LRP12: variants seen among roughly 807,000 people sequenced by gnomAD.
LRP12 encodes the protein LDL receptor related protein 12.
Under a neutral mutation model 66.0 loss-of-function variants are expected in LRP12, and 14 were observed. That is an observed-to-expected ratio of 0.21 (90% CI 0.14 to 0.33). LRP12 has a LOEUF of 0.33. Ranked by LOEUF, LRP12 falls within the 10% of genes least tolerant of loss-of-function variation. The pLI is 1.00. For synonymous variants in LRP12, 357 were observed against 359.1 expected (o/e 0.99, Z 0.07); for missense variants, 889 against 1,053.4 (o/e 0.84, Z 2.16).
chr8:104,547,189 T>A (rs1433184896), intron 1 of LRP12, among the ~76,000 whole-genome samples: 4 of 140,432 alleles, frequency 2.8e-5, no homozygotes, highest in East Asian at 4.1e-4. Flanking sequence ...CAATTCTATG[T>A]TATATCATAT....
rs1225123113 is a variant in LRP12, at chr8:104,586,298, C to CA, written c.79+2520dup. On this transcript the variant is annotated intron_variant, in intron 1 of 6. Coordinates refer to ENST00000276654, the MANE Select transcript of LRP12 (RefSeq NM_013437.5). ...TGGAAAGTAGCACCAAAATAAACAA[C>CA]AAAAAATTTTTTTATGTATGTGAAA... Among the ~76,000 whole-genome samples the CA allele has an allele frequency of 2.6e-5, 4 of 152,200 alleles. No homozygotes were observed. In the South Asian group the frequency reaches 6.2e-4, roughly 24 times the overall value.
chr8:104,512,486 A>G (rs1811013403), intron 2 of LRP12, among the ~76,000 whole-genome samples: 1 of 152,214 alleles, frequency 6.6e-6, no homozygotes, highest in Admixed American at 6.5e-5. Flanking sequence ...AGAGACTAAT[A>G]CAATTTTGAG....
intron 3 of LRP12, chr8:104,507,589 T>A (rs1487630041): frequency 6.6e-6 from 1 of 152,190 alleles, no homozygotes; most frequent in African/African-American, 2.4e-5. Context: ...GTGGTAAAAA[T>A]GTTATTTTGT....
At chr8:104,516,390 G>A (rs759042446) in intron 2 of LRP12, among the ~76,000 whole-genome samples, 3 of 151,972 alleles carry the variant, frequency 2.0e-5, no homozygotes, top group Admixed American at 6.6e-5. Context: ...AATGCTAATG[G>A]TTAAACTATA....
intron 1 of LRP12, among the ~76,000 whole-genome samples, chr8:104,562,346 T>C (rs950896547): frequency 6.6e-6 from 1 of 152,038 alleles, no homozygotes; most frequent in African/African-American, 2.4e-5. Context: ...TAAACCATAA[T>C]AAACATTCAA....
chr8:104,502,877 T>G (rs1810849646), intron 3 of LRP12, among the ~76,000 whole-genome samples: 1 of 152,096 alleles, frequency 6.6e-6, no homozygotes, highest in South Asian at 2.1e-4. Flanking sequence ...TTTAGTCCAC[T>G]AAACATTTAA....
chr8:104,579,834 A>G (rs1043252547), intron 1 of LRP12, among the ~76,000 whole-genome samples: 4 of 152,220 alleles, frequency 2.6e-5, no homozygotes, highest in Non-Finnish European at 5.9e-5. Flanking sequence ...TAGGAAAAGG[A>G]TTCCTTATTC....
At chr8:104,544,240 C>T (rs1023495900) in intron 1 of LRP12, among the ~76,000 whole-genome samples, 5 of 152,072 alleles carry the variant, frequency 3.3e-5, no homozygotes, top group Admixed American at 6.6e-5. Context: ...AGAGGTGAGG[C>T]GGCTTCAAAA....
At chr8:104,578,753 G>A (rs1256620775) in intron 1 of LRP12, among the ~76,000 whole-genome samples, 3 of 151,868 alleles carry the variant, frequency 2.0e-5, no homozygotes, top group Non-Finnish European at 4.4e-5. Flanking sequence ...TTTATCCCTG[G>A]GATGCAAGGT....
At chr8:104,546,370 A>C (rs1010509798) in intron 1 of LRP12, among the ~76,000 whole-genome samples, 7 of 152,252 alleles carry the variant, frequency 4.6e-5, no homozygotes, top group African/African-American at 1.7e-4. Context: ...TCCATAACCC[A>C]AAAAAGCTCT....
At chr8:104,517,776 T>C (rs1811093651) in intron 2 of LRP12, among the ~76,000 whole-genome samples, 1 of 152,050 alleles carries the variant, frequency 6.6e-6, no homozygotes, top group South Asian at 2.1e-4. Flanking sequence ...ATTCCAAGTG[T>C]TGAAAACTAG....
intron 1 of LRP12, among the ~76,000 whole-genome samples, chr8:104,579,412 G>T (rs144600829): frequency 6.6e-6 from 1 of 152,044 alleles, no homozygotes; most frequent in East Asian, 1.9e-4. Flanking sequence ...ATAAAACTAC[G>T]CTTACAGAAA....
At chr8:104,573,350 C>T (rs987375919) in intron 1 of LRP12, among the ~76,000 whole-genome samples, 29 of 152,166 alleles carry the variant, frequency 1.9e-4, no homozygotes, top group Non-Finnish European at 1.5e-5. Flanking sequence ...GTCCTACCCC[C>T]TGACTTGAGC....
intron 6 of LRP12, among the ~76,000 whole-genome samples, chr8:104,492,341 C>A (rs1435600919): frequency 1.3e-5 from 2 of 151,960 alleles, no homozygotes; most frequent in African/African-American, 4.8e-5. Flanking sequence ...ATTCTTTTTT[C>A]TAGATGAACG....
rs759860056 is a variant in LRP12 at position 104,490,762 on chromosome 8, T to C, written c.2491A>G (p.Ile831Val). The C allele has an allele frequency of 5.6e-6, 9 of 1,613,956 alleles. No individual in the cohort carries two copies. The South Asian group carries it at 7.7e-5, about 14-fold the overall frequency. The change falls in exon 7 of 7, where the codon ATT (isoleucine) becomes GTT (valine). Residue 831 changes from isoleucine (I) to valine (V), a missense_variant. Transcript: ENST00000276654. ...TCTGGTATCTGGGCAGTGTGGACAA[T>C]ACCACAGCGCTCACAGGGGCCATCT... The part of the protein sequence containing the change: ...NRDGPCERCG[I>V]VHTAQIPDTC...
At chr8:104,565,475 T>C (rs954365222) in intron 1 of LRP12, among the ~76,000 whole-genome samples, 5 of 152,190 alleles carry the variant, frequency 3.3e-5, no homozygotes, top group South Asian at 4.1e-4. Context: ...AAAGAAAATA[T>C]TGAAGCCTGG....
intron 2 of LRP12, among the ~76,000 whole-genome samples, chr8:104,517,721 T>C (rs1044761209): frequency 6.6e-6 from 1 of 152,078 alleles, no homozygotes; most frequent in African/African-American, 2.4e-5. Context: ...ATAGAGTGTA[T>C]TATAAAGAAT....
intron 3 of LRP12, chr8:104,507,277 T>C (rs1307100096): frequency 6.6e-6 from 1 of 152,232 alleles, no homozygotes; most frequent in African/African-American, 2.4e-5. Context: ...TTCTGATCTG[T>C]ATACATCGAA....
intron 1 of LRP12, among the ~76,000 whole-genome samples, chr8:104,560,624 C>T (rs1811892207): frequency 6.6e-6 from 1 of 152,058 alleles, no homozygotes; most frequent in South Asian, 2.1e-4. Flanking sequence ...AAGCAAATGC[C>T]ACATATCATT....
Sources: gnomAD v4.1 joint callset for allele counts (sites outside exome capture counted in the v4.1 genomes callset) on GRCh38, gnomAD v4.1.1 for gene constraint, MANE v1.5 for transcripts, NCBI Gene and HGNC (gene_info 2026-07-23, HGNC 2026-07-21) for gene names.